ANXA6: variants seen among roughly 807,000 people sequenced by gnomAD.
ANXA6 encodes 67 kDa calelectrin.
A neutral mutation model predicts 95.4 loss-of-function variants in ANXA6; 71 were observed. The observed-to-expected ratio is 0.74, with a 90% CI of 0.61 to 0.91. The LOEUF (loss-of-function observed/expected upper bound fraction) is 0.91, where lower values mean the gene tolerates loss of function less well. Ranked by LOEUF, ANXA6 falls within the 40% of genes least tolerant of loss-of-function variation. The probability of loss-of-function intolerance (pLI) is 0.00; values close to 1 mark genes in which losing one functional copy is unlikely to be tolerated. For missense variants in ANXA6, 830 were observed against 876.4 expected, an observed-to-expected ratio of 0.95 and a Z score of 0.67; for synonymous variants, 289 against 315.9, an observed-to-expected ratio of 0.91 and a Z score of 0.90.
At chr5:151,132,374 A>G (rs1280363252) in intron 10 of ANXA6, 102 bp downstream of exon 10, 5 of 923,290 alleles carry the variant, frequency 5.4e-6, no homozygotes, top group Admixed American at 2.6e-5. Context: ...CTCCTTCCCA[A>G]TTCTATACCA....
intron 2 of ANXA6, among the ~76,000 whole-genome samples, chr5:151,146,962 A>G (rs988339875): frequency 7.2e-5 from 11 of 152,142 alleles, no homozygotes; most frequent in Non-Finnish European, 1.0e-4. Context: ...TTCTAGAGAC[A>G]GGGTTCTGCC....
intron 10 of ANXA6, 122 bp downstream of exon 10, chr5:151,132,354 A>G (rs1765537065): frequency 2.6e-6 from 2 of 776,784 alleles, no homozygotes. Context: ...TTCACGGCCC[A>G]CATGGTTTTC....
At chr5:151,129,371 T>C (rs756809542) in intron 12 of ANXA6, 36 bp downstream of exon 12, 1 of 1,610,842 alleles carries the variant, frequency 6.2e-7, no homozygotes, top group Non-Finnish European at 8.5e-7. Context: ...CAAAAAGCTC[T>C]TTGCTCCCTT....
intron 24 of ANXA6, among the ~76,000 whole-genome samples, chr5:151,104,552 CAG>C (rs1561563224): frequency 6.6e-6 from 1 of 152,246 alleles, no homozygotes; most frequent in East Asian, 1.9e-4. Context: ...CAGCTGTGGT[CAG>C]AGAGATGAAG....
intron 22 of ANXA6, among the ~76,000 whole-genome samples, chr5:151,109,338 G>GC (rs956672164): frequency 6.6e-6 from 1 of 152,212 alleles, no homozygotes; most frequent in African/African-American, 2.4e-5. Context: ...TGAGCATGCG[G>GC]CAGCCTGTGG....
chr5:151,133,028 G>T (rs75416554), intron 9 of ANXA6, 66 bp downstream of exon 9: 249 of 1,162,638 alleles, frequency 2.1e-4, no homozygotes, highest in Middle Eastern at 5.7e-4. Context: ...GAAAAGAAAA[G>T]AGATAAAGAA....
chr5:151,107,856 T>C (rs1244722282), intron 23 of ANXA6, among the ~76,000 whole-genome samples: 1 of 152,122 alleles, frequency 6.6e-6, no homozygotes, highest in East Asian at 1.9e-4. Context: ...GGTCTGTGTG[T>C]GTGTCATCTG....
At chr5:151,155,557 C>T (rs1766214216) in intron 1 of ANXA6, 1 of 152,156 alleles carries the variant, frequency 6.6e-6, no homozygotes, top group Admixed American at 6.5e-5. Flanking sequence ...CGACTTCCTC[C>T]CCTCTATTGG....
chr5:151,131,122 C>A (rs1000413852), intron 11 of ANXA6, 109 bp downstream of exon 11: 1 of 1,176,410 alleles, frequency 8.5e-7, no homozygotes, highest in Non-Finnish European at 1.3e-6. Flanking sequence ...AGGGTCAGTC[C>A]TGTGGCCATC....
In ANXA6 at chr5:151,128,133, G is replaced by A; in HGVS notation, c.977+48C>T. 3 of 1,541,250 alleles carry A rather than the reference G, an allele frequency of 1.9e-6. No homozygotes were observed. The South Asian group carries it at 3.5e-5, about 18-fold the overall frequency. On this transcript the variant is annotated intron_variant, in intron 13 of 25. Coordinates refer to ENST00000354546, the MANE Select transcript of ANXA6 (RefSeq NM_001155.5). ...ATGCGAGCCAGGAGAGTCCCCGCCT[G>A]GCACCCCAAGGCCATGCCCTCCAGC... is the stretch of plus-strand genomic sequence containing the variant.
intron 14 of ANXA6, among the ~76,000 whole-genome samples, chr5:151,125,404 A>G (rs1253222815): frequency 6.6e-6 from 1 of 152,070 alleles, no homozygotes; most frequent in African/African-American, 2.4e-5. Flanking sequence ...TGAATTAGGA[A>G]GTTGATACCA....
chr5:151,139,468 C>T, intron 3 of ANXA6, 21 bp from the exon 4 acceptor site: 2 of 1,582,632 alleles, frequency 1.3e-6, no homozygotes, highest in Middle Eastern at 1.7e-4. Flanking sequence ...GGAGAGCAAT[C>T]ATCATCCTAC....
At chr5:151,132,710 G>T (rs984819070) in intron 9 of ANXA6, 139 bp from the exon 10 acceptor site, 1 of 676,556 alleles carries the variant, frequency 1.5e-6, no homozygotes, top group Non-Finnish European at 2.5e-6. Flanking sequence ...TGATGGAGGC[G>T]ACTGGGAGGT....
chr5:151,119,083 C>G lies in ANXA6; in HGVS notation c.1438+217G>C, dbSNP rs1453333150. ...GCCAGAATGTTCTCTGTTCCCACTTCCAGCCAAGCCCTTTTCTACCTCCAG... is the reference window on the plus strand; with the variant it reads ...GCCAGAATGTTCTCTGTTCCCACTTGCAGCCAAGCCCTTTTCTACCTCCAG... On this transcript the variant is annotated intron_variant, in intron 18 of 25. Coordinates refer to ENST00000354546, the MANE Select transcript of ANXA6 (RefSeq NM_001155.5). Among the ~76,000 whole-genome samples, 4 of 152,192 alleles carry G rather than the reference C, an allele frequency of 2.6e-5. No homozygotes were observed. In the East Asian group the frequency reaches 5.8e-4, roughly 22 times the overall value.
chr5:151,124,661 G>A (rs13183792), intron 14 of ANXA6, among the ~76,000 whole-genome samples: 133,072 of 152,286 alleles, frequency 0.87, 58,279 homozygotes, highest in East Asian at 1. Flanking sequence ...CGCCTGCCAC[G>A]GGATCTGCCT....
intron 19 of ANXA6, among the ~76,000 whole-genome samples, chr5:151,117,478 G>A (rs975945593): frequency 6.6e-6 from 1 of 152,226 alleles, no homozygotes; most frequent in African/African-American, 2.4e-5. Context: ...TAACAACACA[G>A]GAGAGGGTCA....
intron 17 of ANXA6, among the ~76,000 whole-genome samples, chr5:151,120,252 G>C (rs1344905082): frequency 6.6e-6 from 1 of 152,102 alleles, no homozygotes; most frequent in African/African-American, 2.4e-5. Context: ...GTCATGCAAA[G>C]ATCTGCACAC....
chr5:151,136,981 A>G (rs143777610), intron 6 of ANXA6, among the ~76,000 whole-genome samples: 21 of 152,292 alleles, frequency 1.4e-4, no homozygotes, highest in Non-Finnish European at 2.2e-4. Flanking sequence ...TCACCTGTTT[A>G]TTGTGTGTCT....
chr5:151,104,515 A>C (rs1764641579), intron 24 of ANXA6, among the ~76,000 whole-genome samples: 1 of 152,228 alleles, frequency 6.6e-6, no homozygotes, highest in African/African-American at 2.4e-5. Flanking sequence ...GGATGCTACC[A>C]CAATTTCACA....
Sources: gnomAD v4.1 joint callset for allele counts (sites outside exome capture counted in the v4.1 genomes callset) on GRCh38, gnomAD v4.1.1 for gene constraint, MANE v1.5 for transcripts, NCBI Gene and HGNC (gene_info 2026-07-23, HGNC 2026-07-21) for gene names.